Variants in MMUT observed in about 807,000 individuals in gnomAD.
The protein encoded by MMUT is methylmalonyl-CoA mutase.
In MMUT, 79 loss-of-function variants were observed where a neutral mutation model predicts 79.9. The observed-to-expected ratio is 0.99, with a 90% CI of 0.82 to 1.19. The LOEUF (loss-of-function observed/expected upper bound fraction) is 1.19, where lower values mean the gene tolerates loss of function less well. Among genes scored for constraint, MMUT ranks in the 50% most tolerant of loss-of-function variants. The pLI is 0.00. For missense variants in MMUT, 860 were observed against 917.2 expected, an observed-to-expected ratio of 0.94 and a Z score of 0.81; for synonymous variants, 273 against 295.7, an observed-to-expected ratio of 0.92 and a Z score of 0.79.
intron 2 of MMUT, among the ~76,000 whole-genome samples, 162 bp from the exon 3 acceptor site, chr6:49,458,220 T>C (rs983059363): frequency 6.6e-6 from 1 of 152,206 alleles, no homozygotes; most frequent in Non-Finnish European, 1.5e-5. Flanking sequence ...TAAATAAAGA[T>C]ACTTCACTTC....
intron 8 of MMUT, among the ~76,000 whole-genome samples, chr6:49,445,126 T>C (rs1353208949): frequency 6.6e-6 from 1 of 151,972 alleles, no homozygotes; most frequent in Non-Finnish European, 1.5e-5. Flanking sequence ...AGATTAATAG[T>C]GACAAGAAAA....
At chr6:49,443,146 T>G (rs1245932753) in intron 9 of MMUT, among the ~76,000 whole-genome samples, 1 of 152,190 alleles carries the variant, frequency 6.6e-6, no homozygotes, top group Non-Finnish European at 1.5e-5. Flanking sequence ...GCACATCCTG[T>G]GGAGCAAAGC....
At chr6:49,448,749 T>C (rs987213571) in intron 7 of MMUT, 67 bp downstream of exon 7, 3 of 1,333,498 alleles carry the variant, frequency 2.2e-6, no homozygotes, top group African/African-American at 1.4e-5. Context: ...ATACATGTTA[T>C]CTTCAAACAG....
rs1457423330 is a variant in MMUT at position 49,430,495 on chromosome 6, C to T, written c.*1233G>A. 1 of 152,130 alleles carries T rather than the reference C, an allele frequency of 6.6e-6. No individual in the cohort carries two copies. Among genetic ancestry groups the T allele is most frequent in the African/African-American group, 2.4e-5 (1 of 41,426 alleles). The allele number at this position is 152,130 out of a possible 1,614,324, so 9.4% of individuals were successfully genotyped here. On this transcript the variant is annotated 3_prime_UTR_variant, in exon 13 of 13. Coordinates refer to ENST00000274813, the MANE Select transcript of MMUT (RefSeq NM_000255.4). ...CAATAAAATGGCATAGTGAATATAT[C>T]ATTGGACTTGAAGTCAGTGTTCATC...
At chr6:49,446,786 G>A (rs928229573) in intron 8 of MMUT, among the ~76,000 whole-genome samples, 1 of 151,634 alleles carries the variant, frequency 6.6e-6, no homozygotes, top group Non-Finnish European at 1.5e-5. Context: ...TTCAGGCTAT[G>A]AAGATATAAA....
intron 8 of MMUT, 92 bp downstream of exon 8, chr6:49,447,578 G>C: frequency 1.4e-6 from 1 of 735,360 alleles, no homozygotes; most frequent in East Asian, 2.6e-5. Context: ...GCTGTTGTAA[G>C]GATTAATTTA....
At chr6:49,444,534 G>T in intron 9 of MMUT, 105 bp downstream of exon 9, 1 of 858,802 alleles carries the variant, frequency 1.2e-6, no homozygotes, top group Non-Finnish European at 1.9e-6. Context: ...ATTTTCTTTT[G>T]GGCTCACATG....
chr6:49,452,413 A>T (rs1286005072), intron 5 of MMUT, among the ~76,000 whole-genome samples: 1 of 152,020 alleles, frequency 6.6e-6, no homozygotes, highest in East Asian at 1.9e-4. Flanking sequence ...GCTCACTGTA[A>T]GCTCTGCCTC....
intron 8 of MMUT, among the ~76,000 whole-genome samples, chr6:49,446,628 A>G (rs998504600): frequency 1.3e-5 from 2 of 151,864 alleles, no homozygotes; most frequent in African/African-American, 2.4e-5. Context: ...CAATACACAA[A>G]AACAACAATT....
intron 12 of MMUT, 85 bp from the exon 13 acceptor site, chr6:49,431,941 C>G: frequency 6.7e-7 from 1 of 1,490,090 alleles, no homozygotes; most frequent in Non-Finnish European, 9.3e-7. Context: ...CTTTGTCACT[C>G]AATTACCCAA....
At position 49,457,984 on chromosome 6, in the gene MMUT, G is replaced by T; in HGVS notation, c.460C>A (p.Arg154Ser). Residue 154 changes from arginine to serine, a missense_variant, in exon 3 of 13, where the codon CGT (arginine) becomes AGT (serine). Transcript: ENST00000274813. ...ACTCCAGCCATTCCAACATCACCAC[G>T]AACTCGAGGGTTGTCTGAATCATAG... ...RGYDSDNPRV[R>S]GDVGMAGVAI... is the part of the protein sequence containing the mutation. The T allele has an allele frequency of 6.2e-7, 1 of 1,607,434 alleles. No individual in the cohort carries two copies. The highest frequency in any genetic ancestry group is 8.5e-7 in the Non-Finnish European group (1 of 1,179,882).
At chr6:49,440,169 A>G (rs1206362773) in intron 11 of MMUT, 37 bp downstream of exon 11, 1 of 1,611,792 alleles carries the variant, frequency 6.2e-7, no homozygotes, top group East Asian at 2.2e-5. Context: ...AGTGACTAGT[A>G]AATACTTTTG....
chr6:49,456,464 T>C (rs1394106640), intron 3 of MMUT, among the ~76,000 whole-genome samples: 1 of 152,192 alleles, frequency 6.6e-6, no homozygotes, highest in Admixed American at 6.5e-5. Context: ...CTACTTTATT[T>C]TTCTGGTGGA....
At chr6:49,445,463 T>G (rs936873488) in intron 8 of MMUT, among the ~76,000 whole-genome samples, 1 of 151,968 alleles carries the variant, frequency 6.6e-6, no homozygotes, top group Non-Finnish European at 1.5e-5. Flanking sequence ...TACAGAAAAT[T>G]TATAGTCATC....
Position 49,449,809 on chromosome 6 carries a change from G to A in MMUT, c.1333-882C>T, listed in dbSNP as rs575575475. Among the ~76,000 whole-genome samples, 261 of 151,584 alleles carry A rather than the reference G, an allele frequency of 1.7e-3. 4 individuals are homozygous for A. Among genetic ancestry groups the A allele is most frequent in the African/African-American group, 5.9e-3 (244 of 41,344 alleles). On this transcript the variant is annotated intron_variant, in intron 6 of 12. Coordinates refer to ENST00000274813, the MANE Select transcript of MMUT (RefSeq NM_000255.4). ...ATGAAGATGACATTAATTATAAGGG[G>A]GAAATTAGAAAACAAAAATGAGCTC...
intron 9 of MMUT, among the ~76,000 whole-genome samples, chr6:49,442,336 G>C (rs934354694): frequency 2.6e-5 from 4 of 152,012 alleles, no homozygotes; most frequent in African/African-American, 9.7e-5. Context: ...AAATCTTTTA[G>C]CATATTCCAT....
At chr6:49,431,975 T>C in intron 12 of MMUT, 119 bp from the exon 13 acceptor site, 1 of 1,174,164 alleles carries the variant, frequency 8.5e-7, no homozygotes, top group Non-Finnish European at 1.2e-6. Flanking sequence ...GGTATACTAC[T>C]GGCATTTGGG....
intron 2 of MMUT, among the ~76,000 whole-genome samples, 189 bp from the exon 3 acceptor site, chr6:49,458,247 T>C (rs1278223191): frequency 1.3e-5 from 2 of 152,154 alleles, no homozygotes; most frequent in African/African-American, 4.8e-5. Context: ...GAGTCAGTTG[T>C]TTCCCTTGTG....
chr6:49,456,325 T>A, intron 3 of MMUT, 88 bp from the exon 4 acceptor site: 2 of 909,496 alleles, frequency 2.2e-6, no homozygotes, highest in Non-Finnish European at 3.5e-6. Flanking sequence ...AACATTATTT[T>A]AAAATGATGT....
Sources: gnomAD v4.1 joint callset for allele counts (sites outside exome capture counted in the v4.1 genomes callset) on GRCh38, gnomAD v4.1.1 for gene constraint, MANE v1.5 for transcripts, NCBI Gene and HGNC (gene_info 2026-07-23, HGNC 2026-07-21) for gene names.